ERAP1: variants seen among roughly 807,000 people sequenced by gnomAD.
ERAP1 encodes adipocyte-derived leucine aminopeptidase.
In ERAP1, 86 loss-of-function variants were observed where a neutral mutation model predicts 103.7. The ratio of observed to expected loss-of-function variants is 0.83; its 90% CI spans 0.70 to 0.99. ERAP1 has a LOEUF of 0.99. Among genes scored for constraint, ERAP1 ranks in the 50% least tolerant of loss-of-function variants. ERAP1 has a pLI of 0.00. For missense variants in ERAP1, 1,009 were observed against 1,128.4 expected (o/e 0.89, Z 1.52); for synonymous variants, 398 against 402.4 (o/e 0.99, Z 0.13).
At chr5:96,783,380 A>AAAGGCCC (rs1775505893) in intron 14 of ERAP1, 145 bp from the exon 15 acceptor site, 2 of 653,658 alleles carry the variant, frequency 3.1e-6, no homozygotes, top group Non-Finnish European at 4.9e-6. Flanking sequence ...GCACTGTTTA[A>AAAGGCCC]TTATAAAAGG....
At chr5:96,904,279 C>A in the ERAP1 span, among the ~76,000 whole-genome samples, 4 of 152,184 alleles carry the variant, frequency 2.6e-5, no homozygotes, top group Non-Finnish European at 5.9e-5. Flanking sequence ...CACAAGATCA[C>A]CAATGGCTGG....
chr5:96,790,991 C>A (rs577457515), intron 8 of ERAP1, among the ~76,000 whole-genome samples: 1 of 152,342 alleles, frequency 6.6e-6, no homozygotes, highest in East Asian at 1.9e-4. Flanking sequence ...TACTACCTGG[C>A]TCTCCCACTG....
the ERAP1 span, among the ~76,000 whole-genome samples, chr5:96,850,186 A>G: frequency 6.6e-6 from 1 of 152,220 alleles, no homozygotes; most frequent in Non-Finnish European, 1.5e-5. Context: ...TGGTCTGAGC[A>G]ATGATTTCTT....
At chr5:96,897,314 C>T in the ERAP1 span, among the ~76,000 whole-genome samples, 3 of 152,302 alleles carry the variant, frequency 2.0e-5, no homozygotes, top group Admixed American at 2.0e-4. Context: ...AGTGCCTTTA[C>T]TAGCTGAAAT....
upstream of ERAP1, among the ~76,000 whole-genome samples, chr5:96,809,296 C>G (rs1053104855): frequency 6.6e-6 from 1 of 152,152 alleles, no homozygotes; most frequent in Admixed American, 6.5e-5. Flanking sequence ...GAGTGTAGCC[C>G]AGTAGGTCTC....
chr5:96,785,651 G>GTTGT (rs1265603768), intron 13 of ERAP1, 137 bp downstream of exon 13: 3 of 877,388 alleles, frequency 3.4e-6, no homozygotes, highest in Non-Finnish European at 5.3e-6. Context: ...GCAATCTTGG[G>GTTGT]TTGTTAGAAG....
At chr5:96,932,379 C>G in the ERAP1 span, among the ~76,000 whole-genome samples, 2 of 152,162 alleles carry the variant, frequency 1.3e-5, no homozygotes, top group African/African-American at 4.8e-5. Flanking sequence ...AGGGCTGAAT[C>G]CAAATTCCCT....
downstream of ERAP1, chr5:96,769,727 C>A (rs1771543575): frequency 6.6e-6 from 1 of 151,752 alleles, no homozygotes; most frequent in South Asian, 2.1e-4. Flanking sequence ...TGACCTATAT[C>A]TCTGTTTCCT....
chr5:96,915,546 T>C, the ERAP1 span: 2 of 426,324 alleles, frequency 4.7e-6, no homozygotes, highest in Non-Finnish European at 8.1e-6. Flanking sequence ...GGATGAATGT[T>C]ATTATGGTAA....
chr5:96,909,536 G>T, the ERAP1 span: 2 of 1,506,190 alleles, frequency 1.3e-6, no homozygotes, highest in Non-Finnish European at 1.8e-6. Flanking sequence ...CTGTGTTAAG[G>T]ACTAAATTTA....
chr5:96,801,487 A>G (rs1261087484), intron 2 of ERAP1, among the ~76,000 whole-genome samples: 2 of 151,768 alleles, frequency 1.3e-5, no homozygotes, highest in South Asian at 2.1e-4. Flanking sequence ...TTAAAAAGAA[A>G]AAGTAAAAAA....
chr5:96,851,562 C>T, the ERAP1 span, among the ~76,000 whole-genome samples: 3 of 152,270 alleles, frequency 2.0e-5, no homozygotes, highest in South Asian at 4.1e-4. Flanking sequence ...TCTTTCTTTT[C>T]CCAGGCTGGA....
the ERAP1 span, among the ~76,000 whole-genome samples, chr5:96,866,029 G>A: frequency 6.6e-6 from 1 of 152,120 alleles, no homozygotes; most frequent in Non-Finnish European, 1.5e-5. Context: ...CATACTTACA[G>A]CAATTGTAAC....
the ERAP1 span, chr5:96,901,788 T>C: frequency 2.3e-5 from 26 of 1,155,290 alleles, no homozygotes; most frequent in Non-Finnish European, 3.0e-5. Context: ...GCTAGTTCCA[T>C]ATAAGAATCA....
intron 7 of ERAP1, among the ~76,000 whole-genome samples, chr5:96,792,394 A>T (rs1309557190): frequency 6.6e-6 from 1 of 152,216 alleles, no homozygotes; most frequent in Non-Finnish European, 1.5e-5. Flanking sequence ...TTAGTTAAAC[A>T]TTATAGATTT....
At chr5:96,917,652 A>G in the ERAP1 span, 1 of 1,452,414 alleles carries the variant, frequency 6.9e-7, no homozygotes, top group African/African-American at 1.4e-5. Context: ...CACGCCTGTA[A>G]TCCCAGCACT....
chr5:96,780,414 T>C lies in ERAP1; in HGVS notation c.2670+9A>G. Reference sequence around the variant, plus strand: ...TTTAAAAATATATATATAGATTTTTTTTTTTTACCTCTTCAAGCCGTGTTC... The same window carrying C: ...TTTAAAAATATATATATAGATTTTTCTTTTTTACCTCTTCAAGCCGTGTTC... On this transcript the variant is annotated intron_variant, in intron 18 of 18. Coordinates refer to ENST00000443439, the MANE Select transcript of ERAP1 (RefSeq NM_001040458.3). 3 of 1,581,302 alleles carry C rather than the reference T, an allele frequency of 1.9e-6. No homozygotes were observed. Among genetic ancestry groups the C allele is most frequent in the Non-Finnish European group, 2.6e-6 (3 of 1,162,364 alleles).
At position 96,784,097 on chromosome 5, in the gene ERAP1, G is replaced by A. The variant is rs1775646346; in HGVS notation, c.1944-17C>T. The A allele has an allele frequency of 2.5e-6, 4 of 1,613,700 alleles. No homozygotes were observed. The highest frequency in any genetic ancestry group is 3.3e-5 in the Admixed American group (2 of 60,008). On this transcript the variant is annotated splice_polypyrimidine_tract_variant and intron_variant, in intron 13 of 18. Coordinates refer to ENST00000443439, the MANE Select transcript of ERAP1 (RefSeq NM_001040458.3). ...TTCCCAATGCTGACCAAGAGACACT[G>A]TGGTTAGTGGTTTAAAAGTAAATCC...
exon 20 of ERAP1, chr5:96,762,115 GA>G (rs1277107890): frequency 3.8e-5 from 17 of 453,284 alleles, no homozygotes; most frequent in Admixed American, 2.0e-4. Flanking sequence ...AGAGAAGAAA[GA>G]ATTTAAATTT....
Sources: allele counts gnomAD v4.1 joint callset (sites outside exome capture counted in the v4.1 genomes callset), GRCh38; gene constraint gnomAD v4.1.1; transcripts MANE v1.5; gene names NCBI Gene and HGNC (gene_info 2026-07-23, HGNC 2026-07-21).